Variants in FGFR3 observed in about 807,000 individuals in gnomAD.
FGFR3 encodes the protein fibroblast growth factor receptor 3.
A neutral mutation model predicts 82.9 loss-of-function variants in FGFR3; 25 were observed. The ratio of observed to expected loss-of-function variants is 0.30; its 90% confidence interval spans 0.22 to 0.42. FGFR3 has a LOEUF of 0.42. Ranked by LOEUF, FGFR3 falls within the 10% of genes least tolerant of loss-of-function variation. The pLI is 1.00. For synonymous variants in FGFR3, 620 were observed against 516.0 expected (o/e 1.20, Z -2.73); for missense variants, 1,026 against 1,161.0 (o/e 0.88, Z 1.69).
chr4:1,806,880 C>G lies in FGFR3; in HGVS notation c.2220C>G (p.Thr740=), dbSNP rs761006469. 1 of 1,611,816 alleles carries G rather than the reference C, an allele frequency of 6.2e-7. No homozygotes were observed. Among genetic ancestry groups the G allele is most frequent in the Non-Finnish European group, 8.5e-7 (1 of 1,179,614 alleles). ...CWHAAPSQRP[T]FKQLVEDLDR... is the part of the protein sequence containing the mutation. ...ATGCCGCGCCCTCCCAGAGGCCCAC[C>G]TTCAAGCAGCTGGTGGAGGACCTGG... Residue 740 remains threonine (T), a synonymous_variant, in exon 17 of 18, where the codon ACC becomes ACG. Coordinates refer to ENST00000440486, the MANE Select transcript of FGFR3 (RefSeq NM_000142.5).
chr4:1,797,105 C>T (rs566516808), intron 2 of FGFR3, among the ~76,000 whole-genome samples: 8 of 152,164 alleles, frequency 5.3e-5, no homozygotes, highest in Non-Finnish European at 1.2e-4. Flanking sequence ...TTGTCTCCAA[C>T]GTGTTTGGGC....
chr4:1,800,965 C>T (rs1248120143), intron 4 of FGFR3, among the ~76,000 whole-genome samples: 1 of 152,168 alleles, frequency 6.6e-6, no homozygotes, highest in East Asian at 1.9e-4. Flanking sequence ...CCTGGCTCTG[C>T]AGGCGACTGG....
rs192965813 is a variant in FGFR3, at chr4:1,800,328, G to A, written c.445+516G>A. On this transcript the variant is annotated intron_variant, in intron 4 of 17. Transcript: ENST00000440486. ...GATGCCTGGCGTCCCGGCCTGGAAC[G>A]GTGGCAGGTGGACTTTGCCAAGTTG... is the stretch of plus-strand genomic sequence containing the variant. Among the ~76,000 whole-genome samples the A allele has an allele frequency of 6.0e-3, 908 of 152,092 alleles. 9 individuals carry two copies. The highest frequency in any genetic ancestry group is 8.7e-3 in the Non-Finnish European group (592 of 67,966).
At chr4:1,802,521 G>A (rs536289125) in intron 7 of FGFR3, among the ~76,000 whole-genome samples, 6 of 152,334 alleles carry the variant, frequency 3.9e-5, no homozygotes, top group Non-Finnish European at 8.8e-5. Flanking sequence ...GGACGGTTGC[G>A]ACACTCAAAG....
In FGFR3 at chr4:1,806,914, C is replaced by T; in HGVS notation, c.2254C>T (p.Leu752Phe). ...KQLVEDLDRV[L>F]TVTSTDEYLD... Reference sequence around the variant, plus strand: ...GCTGGTGGAGGACCTGGACCGTGTCCTTACCGTGACGTCCACCGACGTGAG... The same window carrying T: ...GCTGGTGGAGGACCTGGACCGTGTCTTTACCGTGACGTCCACCGACGTGAG... Residue 752 changes from leucine to phenylalanine, a missense_variant, in exon 17 of 18, where the codon CTT (leucine) becomes TTT (phenylalanine). This residue lies in a region of FGFR3 where 155 missense variants were observed against 150.2 expected (regional missense o/e 1.03). Transcript: ENST00000440486. The T allele has an allele frequency of 6.2e-7, 1 of 1,610,034 alleles. No individual in the cohort carries two copies.
intron 7 of FGFR3, 51 bp from the exon 8 acceptor site, chr4:1,803,641 G>C (rs1453898683): frequency 6.3e-7 from 1 of 1,597,922 alleles, no homozygotes; most frequent in South Asian, 1.1e-5. Context: ...TCTGTGCGGT[G>C]CCCGCAGGGC....
In FGFR3 at chr4:1,806,189, G is replaced by C. The variant is rs2108807858; in HGVS notation, c.1959+16G>C. ...GACGACCAACGTGAGCCCGGCCCTG[G>C]GGTGCGGGGGTGGGGGTCATGCCAG... is the stretch of plus-strand genomic sequence containing the variant. On this transcript the variant is annotated intron_variant, in intron 14 of 17. Transcript: ENST00000440486. The C allele has an allele frequency of 6.2e-7, 1 of 1,612,396 alleles. No individual in the cohort carries two copies. The highest frequency in any genetic ancestry group is 1.1e-5 in the South Asian group (1 of 91,060).
intron 4 of FGFR3, 47 bp from the exon 5 acceptor site, chr4:1,801,320 T>C: frequency 1.3e-6 from 2 of 1,537,516 alleles, no homozygotes; most frequent in Non-Finnish European, 1.7e-6. Context: ...CAGAGGGGCC[T>C]CTGCTCCCAC....
intron 15 of FGFR3, 94 bp downstream of exon 15, chr4:1,806,421 G>GC: frequency 6.2e-7 from 1 of 1,602,336 alleles, no homozygotes; most frequent in Non-Finnish European, 8.5e-7. Context: ...GTGCCCTGGA[G>GC]CTCCTGGGTG....
In FGFR3 at chr4:1,799,504, C is replaced by T. The variant is rs1406325389; in HGVS notation, c.360C>T (p.His120=). ...GGCTCACGCAGCGCGTACTGTGCCA[C>T]TTCAGTGTGCGGGTGACAGGTGAGC... The part of the protein sequence containing the change: ...RQRLTQRVLC[H]FSVRVTDAPS... The change falls in exon 3 of 18, where the codon CAC becomes CAT. Residue 120 remains histidine, a synonymous_variant. Coordinates refer to ENST00000440486, the MANE Select transcript of FGFR3 (RefSeq NM_000142.5). The T allele has an allele frequency of 6.4e-7, 1 of 1,559,524 alleles. No individual in the cohort carries two copies. The highest frequency in any genetic ancestry group is 8.7e-7 in the Non-Finnish European group (1 of 1,152,664).
In FGFR3 at chr4:1,794,079, C is replaced by G. The variant is rs1357528349; in HGVS notation, c.109+36C>G. On this transcript the variant is annotated intron_variant, in intron 2 of 17. Transcript: ENST00000440486. ...ACCCACTAGGCACGGGAGAGGCCGG[C>G]CCGTGCGGGCAGAGGCGTTGGGGAC... The G allele has an allele frequency of 4.0e-6, 5 of 1,245,112 alleles. No individual in the cohort carries two copies. In the Admixed American group the frequency reaches 1.4e-4, roughly 34 times the overall value. The allele number at this position is 1,245,112 out of a possible 1,614,324, so 77.1% of individuals were successfully genotyped here.
At chr4:1,806,210 G>A (rs745933861) in intron 14 of FGFR3, 37 bp downstream of exon 14, 1 of 1,612,710 alleles carries the variant, frequency 6.2e-7, no homozygotes, top group Non-Finnish European at 8.5e-7. Flanking sequence ...TGGGGGTCAT[G>A]CCAGTAGGAC....
At chr4:1,799,603 TG>T (rs2108774428) in intron 3 of FGFR3, 80 bp downstream of exon 3, 1 of 1,549,830 alleles carries the variant, frequency 6.5e-7, no homozygotes, top group Non-Finnish European at 8.7e-7. Flanking sequence ...CAGGAGCGGC[TG>T]GGGGTCTCTC....
At chr4:1,804,032 G>C (rs1721542900) in intron 8 of FGFR3, among the ~76,000 whole-genome samples, 196 bp downstream of exon 8, 1 of 152,196 alleles carries the variant, frequency 6.6e-6, no homozygotes, top group Non-Finnish European at 1.5e-5. Context: ...GGCCCCCTCA[G>C]CCCCCTCGAG....
Position 1,799,336 on chromosome 4 carries a change from C to A in FGFR3, c.192C>A (p.Pro64=). 6.2e-7 allele frequency: 1 copy of A among 1,612,564 alleles called. No homozygotes were observed. The highest frequency in any genetic ancestry group is 8.5e-7 in the Non-Finnish European group (1 of 1,179,892). The change falls in exon 3 of 18, where the codon CCC becomes CCA. Residue 64 remains proline (P), a synonymous_variant. Transcript: ENST00000440486. ...CTGTGGAGCTGAGCTGTCCCCCGCC[C>A]GGGGGTGGTCCCATGGGGCCCACTG... ...GDAVELSCPP[P]GGGPMGPTVW...
chr4:1,802,986 G>C, intron 7 of FGFR3: 1 of 1,599,688 alleles, frequency 6.3e-7, no homozygotes, highest in Non-Finnish European at 8.5e-7. Flanking sequence ...GGACGGGGGC[G>C]AGTACCTCTG....
rs267606809 is a variant in FGFR3, at chr4:1,804,384, T to A, written c.1130T>A (p.Leu377His). 1 of 1,612,994 alleles carries A rather than the reference T, an allele frequency of 6.2e-7. No homozygotes were observed. Among genetic ancestry groups the A allele is most frequent in the Non-Finnish European group, 8.5e-7 (1 of 1,179,686 alleles). Reference sequence around the variant, plus strand: ...GCGGGCAGTGTGTATGCAGGCATCCTCAGCTACGGGGTGGGCTTCTTCCTG... The same window carrying A: ...GCGGGCAGTGTGTATGCAGGCATCCACAGCTACGGGGTGGGCTTCTTCCTG... ...DEAGSVYAGI[L>H]SYGVGFFLFI... is the part of the protein sequence containing the mutation. Residue 377 changes from leucine (L) to histidine (H), a missense_variant, in exon 9 of 18, where the codon CTC becomes CAC. This residue lies in a region of FGFR3 where 256 missense variants were observed against 217.6 expected (regional missense o/e 1.18). Coordinates refer to ENST00000440486, the MANE Select transcript of FGFR3 (RefSeq NM_000142.5).
chr4:1,798,375 C>T (rs887836195), intron 2 of FGFR3, among the ~76,000 whole-genome samples: 10 of 152,040 alleles, frequency 6.6e-5, no homozygotes, highest in South Asian at 2.1e-4. Flanking sequence ...CTTGAGGGCC[C>T]GCCTGGGCCT....
rs754122254 is a variant in FGFR3, at chr4:1,801,510, G to A, written c.589G>A (p.Gly197Ser). The change falls in exon 5 of 18, where the codon GGC (glycine) becomes AGC (serine). Residue 197 changes from glycine (G) to serine (S), a missense_variant. Gly to Ser is a moderately conservative substitution (Grantham distance 56, BLOSUM62 0). Coordinates refer to ENST00000440486, the MANE Select transcript of FGFR3 (RefSeq NM_000142.5). ...SWLKNGREFR[G>S]EHRIGGIKLR... ...GCTGAAGAACGGCAGGGAGTTCCGC[G>A]GCGAGCACCGCATTGGAGGCATCAA... 1.9e-5 allele frequency: 30 copies of A among 1,564,076 alleles called. No individual in the cohort carries two copies. Among genetic ancestry groups the A allele is most frequent in the East Asian group, 1.7e-4 (7 of 42,132 alleles).
Sources: allele counts gnomAD v4.1 joint callset (sites outside exome capture counted in the v4.1 genomes callset), GRCh38; gene constraint gnomAD v4.1.1; regional missense constraint gnomAD v4.1.1; transcripts MANE v1.5; gene names NCBI Gene and HGNC (gene_info 2026-07-23, HGNC 2026-07-21).